The following FANCL variants were observed in gnomAD, a reference collection of about 807,000 sequenced individuals.
FANCL encodes the protein FA complementation group L, also known as E3 ubiquitin-protein ligase FANCL.
FANCL carries 69 observed loss-of-function variants against 59.4 expected under a neutral mutation model. The ratio of observed to expected loss-of-function variants is 1.16; its 90% CI spans 0.96 to 1.42. The LOEUF (loss-of-function observed/expected upper bound fraction) is 1.42. FANCL is among the 40% of genes most tolerant of loss of function. The pLI is 0.00. For synonymous variants in FANCL, 180 were observed against 147.1 expected (o/e 1.22, Z -1.62); for missense variants, 519 against 447.2 (o/e 1.16, Z -1.45).
chr2:58,231,878 G>C (rs1693617253), intron 2 of FANCL, among the ~76,000 whole-genome samples, 176 bp downstream of exon 2: 1 of 152,078 alleles, frequency 6.6e-6, no homozygotes, highest in East Asian at 1.9e-4. Context: ...TTTAGTAACA[G>C]GTAAATATTT....
Position 58,241,273 on chromosome 2 carries a change from AG to A in FANCL, c.40del (p.Leu14CysfsTer27), listed in dbSNP as rs761039364. On this transcript the variant is annotated frameshift_variant, in exon 1 of 14. Transcript: ENST00000233741. LOFTEE classifies it high-confidence loss of function. The part of the protein sequence containing the change: ...TEASLLRQCP[L>X]LLPQNRSKTV... ...TTTCGACCGGTTCTGGGGCAGAAGCAGGGGGCACTGGCGCAACAGGCTCGCT... is the reference window on the plus strand; with the variant it reads ...TTTCGACCGGTTCTGGGGCAGAAGCAGGGGCACTGGCGCAACAGGCTCGCT... The A allele has an allele frequency of 3.7e-6, 6 of 1,614,242 alleles. No individual in the cohort carries two copies. The highest frequency in any genetic ancestry group is 3.3e-5 in the Admixed American group (2 of 60,034).
At chr2:58,236,999 TCAA>T (rs1694082994) in intron 1 of FANCL, among the ~76,000 whole-genome samples, 1 of 151,884 alleles carries the variant, frequency 6.6e-6, no homozygotes, top group South Asian at 2.1e-4. Flanking sequence ...AATTGAAAAA[TCAA>T]CAAAGATCGT....
chr2:58,186,123 T>A (rs574154093), intron 7 of FANCL, among the ~76,000 whole-genome samples: 1 of 152,104 alleles, frequency 6.6e-6, no homozygotes, highest in Non-Finnish European at 1.5e-5. Flanking sequence ...AGGAAATAAT[T>A]TGAGAGAAGC....
At chr2:58,176,718 G>T (rs1374412346) in intron 7 of FANCL, among the ~76,000 whole-genome samples, 1 of 152,084 alleles carries the variant, frequency 6.6e-6, no homozygotes, top group Non-Finnish European at 1.5e-5. Flanking sequence ...ACATAGGCAT[G>T]GGCAAGGACT....
intron 3 of FANCL, among the ~76,000 whole-genome samples, chr2:58,229,523 C>T (rs559200572): frequency 6.6e-6 from 1 of 152,192 alleles, no homozygotes; most frequent in South Asian, 2.1e-4. Context: ...TCCCTATCAC[C>T]ACCATTCAGT....
At chr2:58,217,166 TTATATATATATATA>T (rs1158149205) in intron 5 of FANCL, among the ~76,000 whole-genome samples, 70 of 47,322 alleles carry the variant, frequency 1.5e-3, no homozygotes, top group South Asian at 4.0e-3. Flanking sequence ...TTTATATATT[TTATATATATATATA>T]TATATATATA....
At position 58,212,640 on chromosome 2, in the gene FANCL, G is replaced by A. The variant is rs115545436; in HGVS notation, c.375-8414C>T. 4.7e-3 allele frequency among the ~76,000 whole-genome samples: 715 copies of A among 152,198 alleles called. 3 individuals are homozygous for A. Among genetic ancestry groups the A allele is most frequent in the African/African-American group, 0.017 (699 of 41,528 alleles). ...AAAATCTTGTTAAACACAAAGGACT[G>A]TTTAATTCTTATTTTTTTAATAGGC... On this transcript the variant is annotated intron_variant, in intron 5 of 13. Coordinates refer to ENST00000233741, the MANE Select transcript of FANCL (RefSeq NM_018062.4).
intron 7 of FANCL, among the ~76,000 whole-genome samples, chr2:58,175,883 C>T (rs1205148693): frequency 6.6e-6 from 1 of 151,838 alleles, no homozygotes; most frequent in Admixed American, 6.6e-5. Context: ...TCTAGAAAAC[C>T]CCATTGTCTC....
chr2:58,178,408 G>T (rs972062802), intron 7 of FANCL, among the ~76,000 whole-genome samples: 1 of 152,004 alleles, frequency 6.6e-6, no homozygotes, highest in Non-Finnish European at 1.5e-5. Context: ...TCAACCCTAG[G>T]ATTCAAGGCT....
Position 58,159,360 on chromosome 2 carries a change from G to A in FANCL, c.*405C>T, listed in dbSNP as rs369748775. On this transcript the variant is annotated 3_prime_UTR_variant, in exon 14 of 14. Transcript: ENST00000233741. The stretch of plus-strand genomic sequence containing the variant: ...TATTTTTTCCATAGGAAAGCACAAG[G>A]AGAAGACAGAAATATCAAGAGTCTC... 1 of 1,605,540 alleles carries A rather than the reference G, an allele frequency of 6.2e-7. No homozygotes were observed. Among genetic ancestry groups the A allele is most frequent in the African/African-American group, 1.3e-5 (1 of 74,286 alleles).
At chr2:58,224,195 TAAG>T (rs1380905081) in intron 4 of FANCL, among the ~76,000 whole-genome samples, 1 of 151,846 alleles carries the variant, frequency 6.6e-6, no homozygotes, top group Non-Finnish European at 1.5e-5. Context: ...TTATTTTTGA[TAAG>T]AAGAGTTTAA....
intron 5 of FANCL, among the ~76,000 whole-genome samples, chr2:58,210,384 A>T (rs1000582607): frequency 3.9e-5 from 6 of 152,172 alleles, no homozygotes; most frequent in Non-Finnish European, 7.4e-5. Context: ...CATGACACTT[A>T]TTCATTACCA....
chr2:58,231,970 G>A (rs1693626697), intron 2 of FANCL, 84 bp downstream of exon 2: 2 of 1,154,862 alleles, frequency 1.7e-6, no homozygotes, highest in Non-Finnish European at 2.6e-6. Flanking sequence ...CAAAACTCTA[G>A]TCACTAGAAT....
At position 58,159,774 on chromosome 2, in the gene FANCL, C is replaced by T. The variant is rs769382342; in HGVS notation, c.1119G>A (p.Arg373=). The T allele has an allele frequency of 1.2e-6, 2 of 1,613,018 alleles. No homozygotes were observed. The highest frequency in any genetic ancestry group is 1.7e-5 in the Admixed American group (1 of 59,950). The part of the protein sequence containing the change: ...SKPITLKMSG[R]KH ...ATGTTGTATTCTTATTTCAGTGTTT[C>T]CTTCCAGACATTTTTAAGGTAATTG... Residue 373 remains arginine, a synonymous_variant, in exon 14 of 14, where the codon AGG becomes AGA. Coordinates refer to ENST00000233741, the MANE Select transcript of FANCL (RefSeq NM_018062.4).
chr2:58,170,781 C>A (rs1408715907), intron 7 of FANCL, among the ~76,000 whole-genome samples: 1 of 151,762 alleles, frequency 6.6e-6, no homozygotes, highest in African/African-American at 2.4e-5. Context: ...CAAAGAAGGG[C>A]ATTACATAAT....
intron 1 of FANCL, among the ~76,000 whole-genome samples, chr2:58,237,352 A>G (rs1169938722): frequency 6.6e-6 from 1 of 152,154 alleles, no homozygotes; most frequent in African/African-American, 2.4e-5. Flanking sequence ...TGAGAAAGAT[A>G]ATCATAATTC....
intron 11 of FANCL, among the ~76,000 whole-genome samples, chr2:58,162,260 A>T (rs1043612445): frequency 1.3e-5 from 2 of 151,950 alleles, no homozygotes; most frequent in Non-Finnish European, 2.9e-5. Context: ...GTATCTATTC[A>T]ATTTTGAGAA....
intron 7 of FANCL, among the ~76,000 whole-genome samples, chr2:58,178,406 A>C (rs962458349): frequency 2.6e-4 from 40 of 152,114 alleles, no homozygotes; most frequent in African/African-American, 9.7e-4. Context: ...TTTCAACCCT[A>C]GGATTCAAGG....
intron 5 of FANCL, among the ~76,000 whole-genome samples, chr2:58,205,171 T>C (rs1285933428): frequency 6.6e-6 from 1 of 152,020 alleles, no homozygotes; most frequent in African/African-American, 2.4e-5. Context: ...ATATATTTTT[T>C]AATATCACTA....
Sources: gnomAD v4.1 joint callset for allele counts (sites outside exome capture counted in the v4.1 genomes callset) on GRCh38, gnomAD v4.1.1 for gene constraint, MANE v1.5 for transcripts, NCBI Gene and HGNC (gene_info 2026-07-23, HGNC 2026-07-21) for gene names.